Variants in MS4A6E observed in about 807,000 individuals in gnomAD.
The protein encoded by MS4A6E is membrane spanning 4-domains A6E.
Under a neutral mutation model 13.2 loss-of-function variants are expected in MS4A6E, and 8 were observed. The observed-to-expected ratio is 0.60, with a 90% CI of 0.35 to 1.09. MS4A6E has a LOEUF of 1.09. MS4A6E is among the 50% of genes least tolerant of loss of function. The pLI is 0.02. For missense variants in MS4A6E, 177 were observed against 171.1 expected (o/e 1.03, Z -0.19); for synonymous variants, 72 against 67.6 (o/e 1.06, Z -0.32).
At position 60,339,302 on chromosome 11, in the gene MS4A6E, AAT is replaced by A. The variant is rs942072037; in HGVS notation, c.355-562_355-561del. Among the ~76,000 whole-genome samples, 118 of 152,314 alleles carry A rather than the reference AAT, an allele frequency of 7.7e-4. 1 individual carries two copies. The highest frequency in any genetic ancestry group is 2.7e-3 in the African/African-American group (114 of 41,562). On this transcript the variant is annotated intron_variant, in intron 3 of 4. Coordinates refer to ENST00000684409, the MANE Select transcript of MS4A6E (RefSeq NM_139249.4). Reference sequence around the variant, plus strand: ...GCAAAAATAAAAAATAAACAACAAAAATAAAAAACATCCAAACAGGTTCAGAT... The same window carrying A: ...GCAAAAATAAAAAATAAACAACAAAAAAAAAACATCCAAACAGGTTCAGAT...
rs148669698 is a variant in MS4A6E at position 60,337,875 on chromosome 11, C to A, written c.282C>A (p.Thr94=). Reference sequence around the variant, plus strand: ...AGTTGGACGAAAAGGATATACCAACCAGACTTCTTCTTTCTTATGATTATC... The same window carrying A: ...AGTTGGACGAAAAGGATATACCAACAAGACTTCTTCTTTCTTATGATTATC... ...QCKLDEKDIP[T]RLLLSYDYHS... Residue 94 remains threonine, a synonymous_variant, in exon 3 of 5, where the codon ACC becomes ACA. Coordinates refer to ENST00000684409, the MANE Select transcript of MS4A6E (RefSeq NM_139249.4). The A allele has an allele frequency of 3.1e-6, 5 of 1,614,108 alleles. No individual in the cohort carries two copies. In the African/African-American group the frequency reaches 5.3e-5, roughly 17 times the overall value.
rs149066006 is a variant in MS4A6E, at chr11:60,341,175, A to G, written c.*409A>G. Among the ~76,000 whole-genome samples the G allele has an allele frequency of 4.5e-4, 68 of 152,302 alleles. No homozygotes were observed. Among genetic ancestry groups the G allele is most frequent in the African/African-American group, 1.6e-3 (67 of 41,570 alleles). Reference sequence around the variant, plus strand: ...TTTTTCTTATACTCCTCAATTGTGAACAGGAGTTAACTGATTTGCTGTGGT... The same window carrying G: ...TTTTTCTTATACTCCTCAATTGTGAGCAGGAGTTAACTGATTTGCTGTGGT... On this transcript the variant is annotated 3_prime_UTR_variant, in exon 5 of 5. Coordinates refer to ENST00000684409, the MANE Select transcript of MS4A6E (RefSeq NM_139249.4).
At chr11:60,338,943 AGAGAAATTTGG>A (rs2085206463) in intron 3 of MS4A6E, among the ~76,000 whole-genome samples, 1 of 152,218 alleles carries the variant, frequency 6.6e-6, no homozygotes, top group Non-Finnish European at 1.5e-5. Flanking sequence ...AAAATTCTGG[AGAGAAATTTGG>A]GAGAAATTTG....
At chr11:60,334,715 C>T in intron 1 of MS4A6E, 167 bp from the exon 2 acceptor site, 6 of 683,542 alleles carry the variant, frequency 8.8e-6, no homozygotes, top group Non-Finnish European at 1.4e-5. Context: ...TGGAAAAATC[C>T]TCATGATACC....
At chr11:60,345,864 G>T (rs867691803), downstream of MS4A6E, among the ~76,000 whole-genome samples, 27 of 152,196 alleles carry the variant, frequency 1.8e-4, no homozygotes, top group African/African-American at 5.8e-4. Context: ...GCAACTAAGG[G>T]GTTGAGAAAA....
rs1488593128 is a variant in MS4A6E at position 60,335,035 on chromosome 11, T to G, written c.140T>G (p.Val47Gly). Residue 47 changes from valine to glycine, a missense_variant, in exon 2 of 5, where the codon GTT becomes GGT. Transcript: ENST00000684409. Reference protein sequence around the residue: ...LKKRLQAKVKVIGVHSSLAGS... With the variant: ...LKKRLQAKVKGIGVHSSLAGS... ...AAACGTCTACAGGCAAAAGTCAAAG[T>G]TATTGGGGTAAATCTAATTCAGAAC... The G allele has an allele frequency of 3.1e-6, 5 of 1,613,700 alleles. 1 individual carries two copies. In the Admixed American group the frequency reaches 8.3e-5, roughly 27 times the overall value.
At chr11:60,331,757 C>A (rs1165216806) in intron 1 of MS4A6E, among the ~76,000 whole-genome samples, 1 of 151,906 alleles carries the variant, frequency 6.6e-6, no homozygotes, top group African/African-American at 2.4e-5. Context: ...AATTCTAACC[C>A]CTAAAGTGAT....
At chr11:60,347,372 G>T (rs530855876) in intron 4 of MS4A6E, among the ~76,000 whole-genome samples, 1 of 152,182 alleles carries the variant, frequency 6.6e-6, no homozygotes, top group South Asian at 2.1e-4. Context: ...CTGTAGAAAA[G>T]ATCTAATTGT....
At chr11:60,330,779 G>T (rs1590772567) in intron 1 of MS4A6E, among the ~76,000 whole-genome samples, 3 of 152,210 alleles carry the variant, frequency 2.0e-5, no homozygotes, top group Admixed American at 2.0e-4. Flanking sequence ...AATCCATCTT[G>T]AGTTAATTTT....
intron 1 of MS4A6E, 37 bp from the exon 2 acceptor site, chr11:60,334,845 G>T: frequency 6.2e-7 from 1 of 1,604,146 alleles, no homozygotes; most frequent in Non-Finnish European, 8.5e-7. Context: ...TGGGAGCTCT[G>T]TACTTTTAAG....
chr11:60,333,572 C>G (rs534419396), intron 1 of MS4A6E, among the ~76,000 whole-genome samples: 272 of 152,144 alleles, frequency 1.8e-3, no homozygotes, highest in Non-Finnish European at 3.5e-3. Context: ...TTCCCCTGGT[C>G]CTGAAGGAGA....
At chr11:60,338,059 G>C in intron 3 of MS4A6E, 112 bp downstream of exon 3, 1 of 1,064,252 alleles carries the variant, frequency 9.4e-7, no homozygotes, top group Non-Finnish European at 1.4e-6. Context: ...TGGGCATCTG[G>C]AGGAAGGCCA....
At chr11:60,327,988 C>G (rs1430702820) in intron 1 of MS4A6E, among the ~76,000 whole-genome samples, 1 of 143,122 alleles carries the variant, frequency 7.0e-6, no homozygotes, top group East Asian at 2.0e-4. Flanking sequence ...CAAGATCGCA[C>G]CACTACACTC....
chr11:60,348,733 T>C (rs898811527), intron 4 of MS4A6E, among the ~76,000 whole-genome samples: 35 of 152,210 alleles, frequency 2.3e-4, no homozygotes, highest in Admixed American at 4.6e-4. Context: ...GAGAAACTGA[T>C]TCAAAATATG....
At chr11:60,328,718 T>C (rs908661779) in intron 1 of MS4A6E, among the ~76,000 whole-genome samples, 2 of 151,814 alleles carry the variant, frequency 1.3e-5, no homozygotes, top group Non-Finnish European at 2.9e-5. Flanking sequence ...ACTAACAATA[T>C]AGAATTCAGA....
At chr11:60,342,581 G>T (rs2085235162), downstream of MS4A6E, among the ~76,000 whole-genome samples, 1 of 152,112 alleles carries the variant, frequency 6.6e-6, no homozygotes, top group Non-Finnish European at 1.5e-5. Context: ...TACATAGCAT[G>T]GGAAGTGCTG....
downstream of MS4A6E, among the ~76,000 whole-genome samples, chr11:60,343,181 GA>G (rs2085238974): frequency 6.6e-6 from 1 of 152,176 alleles, no homozygotes; most frequent in Non-Finnish European, 1.5e-5. Flanking sequence ...TACAGGGTTT[GA>G]ATATGAGTAT....
downstream of MS4A6E, among the ~76,000 whole-genome samples, chr11:60,341,776 A>G (rs944009158): frequency 2.6e-5 from 4 of 152,226 alleles, no homozygotes; most frequent in African/African-American, 9.6e-5. Flanking sequence ...CCAGTCTCAA[A>G]TGGAACTGTC....
At chr11:60,342,175 GT>G (rs1565157560), downstream of MS4A6E, among the ~76,000 whole-genome samples, 8 of 31,840 alleles carry the variant, frequency 2.5e-4, no homozygotes, top group African/African-American at 7.8e-4. Flanking sequence ...GTGTGTGTGT[GT>G]GTGAGAGAGA....
Sources: gnomAD v4.1 joint callset for allele counts (sites outside exome capture counted in the v4.1 genomes callset) on GRCh38, gnomAD v4.1.1 for gene constraint, MANE v1.5 for transcripts, NCBI Gene and HGNC (gene_info 2026-07-23, HGNC 2026-07-21) for gene names.